Variants in CADM2 observed in about 807,000 individuals in gnomAD.
The protein encoded by CADM2 is immunoglobulin superfamily member 4D.
In CADM2, 12 loss-of-function variants were observed where a neutral mutation model predicts 49.8. The ratio of observed to expected loss-of-function variants is 0.24; its 90% CI spans 0.15 to 0.39. The LOEUF (loss-of-function observed/expected upper bound fraction) is 0.39. CADM2 is among the 10% of genes least tolerant of loss of function. CADM2 has a pLI of 1.00. For synonymous variants in CADM2, 214 were observed against 175.4 expected, an observed-to-expected ratio of 1.22 and a Z score of -1.74; for missense variants, 378 against 492.3, an observed-to-expected ratio of 0.77 and a Z score of 2.20.
chr3:85,342,319 T>C (rs2029950007), intron 1 of CADM2, among the ~76,000 whole-genome samples: 1 of 152,076 alleles, frequency 6.6e-6, no homozygotes, highest in Non-Finnish European at 1.5e-5. Flanking sequence ...AGTAAAAATA[T>C]TCAGTGCTCA....
At chr3:85,033,072 G>A (rs1049717227) in intron 1 of CADM2, among the ~76,000 whole-genome samples, 5 of 152,002 alleles carry the variant, frequency 3.3e-5, no homozygotes, top group Non-Finnish European at 1.5e-5. Context: ...AAACATAGCT[G>A]ATGTTTTGCT....
chr3:85,967,902 G>A lies in CADM2; in HGVS notation c.970+6255G>A, dbSNP rs150337366. Among the ~76,000 whole-genome samples the A allele has an allele frequency of 1.8e-3, 271 of 151,626 alleles. 1 individual carries two copies. The highest frequency in any genetic ancestry group is 6.2e-3 in the African/African-American group (258 of 41,434). ...GTAAAGCCTAGCAAACATTAAAAAG[G>A]GATTCAACTAAAATCTGTTCTTTCA... is the stretch of plus-strand genomic sequence containing the variant. On this transcript the variant is annotated intron_variant, in intron 8 of 9. Coordinates refer to ENST00000383699, the MANE Select transcript of CADM2 (RefSeq NM_001167675.2).
chr3:85,548,085 G>GT (rs2061708692), intron 1 of CADM2, among the ~76,000 whole-genome samples: 1 of 151,760 alleles, frequency 6.6e-6, no homozygotes, highest in Non-Finnish European at 1.5e-5. Flanking sequence ...ACTAGAGCCA[G>GT]TTATTTAACT....
chr3:85,775,912 G>A (rs894911737), intron 2 of CADM2, among the ~76,000 whole-genome samples: 1 of 151,748 alleles, frequency 6.6e-6, no homozygotes, highest in African/African-American at 2.4e-5. Flanking sequence ...TTTATTAAAG[G>A]ATTTTTAGAG....
At chr3:85,897,260 T>C (rs1715350867) in intron 5 of CADM2, among the ~76,000 whole-genome samples, 1 of 88,870 alleles carries the variant, frequency 1.1e-5, no homozygotes. Flanking sequence ...TTTTTTTTTT[T>C]TTTTTTTTTT....
chr3:85,147,066 A>T (rs968706872), intron 1 of CADM2, among the ~76,000 whole-genome samples: 2 of 152,064 alleles, frequency 1.3e-5, no homozygotes, highest in African/African-American at 4.8e-5. Flanking sequence ...TGAGGTCAGG[A>T]GGTCAAGACC....
intron 7 of CADM2, among the ~76,000 whole-genome samples, chr3:85,957,669 C>G (rs1451775823): frequency 1.3e-5 from 2 of 151,788 alleles, no homozygotes; most frequent in African/African-American, 2.4e-5. Context: ...ATTTCAGATG[C>G]CACTCACATG....
chr3:85,494,440 A>C (rs954595552), intron 1 of CADM2, among the ~76,000 whole-genome samples: 5 of 152,188 alleles, frequency 3.3e-5, no homozygotes, highest in Admixed American at 2.6e-4. Flanking sequence ...GCAAGCTCTT[A>C]AAAACCTAGA....
intron 1 of CADM2, among the ~76,000 whole-genome samples, chr3:85,095,753 C>T (rs2037771229): frequency 6.6e-6 from 1 of 152,010 alleles, no homozygotes; most frequent in Admixed American, 6.6e-5. Context: ...ATAATTATTC[C>T]ACCAGTGAAC....
At chr3:85,488,004 A>G (rs974668172) in intron 1 of CADM2, among the ~76,000 whole-genome samples, 1 of 152,168 alleles carries the variant, frequency 6.6e-6, no homozygotes, top group African/African-American at 2.4e-5. Context: ...TTATTTTTGT[A>G]TTTAGAAAGA....
At chr3:85,008,368 C>T (rs1265893510) in intron 1 of CADM2, among the ~76,000 whole-genome samples, 2 of 152,114 alleles carry the variant, frequency 1.3e-5, no homozygotes, top group African/African-American at 4.8e-5. Context: ...GATGGTAATA[C>T]ACCCATTCAA....
intron 1 of CADM2, among the ~76,000 whole-genome samples, chr3:85,721,332 G>A (rs888262176): frequency 1.3e-5 from 2 of 152,166 alleles, no homozygotes; most frequent in East Asian, 1.9e-4. Context: ...GTTGTTATGG[G>A]ATCTTTGGGG....
At chr3:86,030,467 T>G (rs1379059689) in intron 8 of CADM2, among the ~76,000 whole-genome samples, 1 of 152,012 alleles carries the variant, frequency 6.6e-6, no homozygotes, top group Non-Finnish European at 1.5e-5. Context: ...TATTTATGAT[T>G]TATTATACTT....
chr3:85,340,323 T>C (rs1487227309), intron 1 of CADM2, among the ~76,000 whole-genome samples: 1 of 151,586 alleles, frequency 6.6e-6, no homozygotes, highest in African/African-American at 2.4e-5. Context: ...GGAAAATTTA[T>C]AAACACATAC....
chr3:84,995,441 G>A (rs1485426447), intron 1 of CADM2, among the ~76,000 whole-genome samples: 1 of 152,148 alleles, frequency 6.6e-6, no homozygotes, highest in Non-Finnish European at 1.5e-5. Context: ...CCCTAATGAA[G>A]ATTTGCATAA....
At position 85,597,701 on chromosome 3, in the gene CADM2, A is replaced by G. The variant is rs185359980; in HGVS notation, c.62-128821A>G. On this transcript the variant is annotated intron_variant, in intron 1 of 9. Coordinates refer to ENST00000383699, the MANE Select transcript of CADM2 (RefSeq NM_001167675.2). ...CAGAGGACATTTTTGTCAAAAGTGC[A>G]TCTTAAAATCTGAAGCTATTGGAAA... is the stretch of plus-strand genomic sequence containing the variant. 2.6e-3 allele frequency among the ~76,000 whole-genome samples: 398 copies of G among 152,182 alleles called. 3 individuals carry two copies. Among genetic ancestry groups the G allele is most frequent in the Non-Finnish European group, 3.7e-3 (249 of 67,990 alleles).
At chr3:85,420,124 C>A (rs2107494991) in intron 1 of CADM2, among the ~76,000 whole-genome samples, 1 of 152,204 alleles carries the variant, frequency 6.6e-6, no homozygotes, top group Non-Finnish European at 1.5e-5. Flanking sequence ...ACAGTTAGGG[C>A]CAAGTTTTCT....
At chr3:85,768,830 A>G (rs1281970300) in intron 2 of CADM2, among the ~76,000 whole-genome samples, 1 of 51,396 alleles carries the variant, frequency 1.9e-5, no homozygotes, top group African/African-American at 1.0e-4. Context: ...ATACACATAT[A>G]TACATATATA....
chr3:85,304,918 T>C (rs757110170), intron 1 of CADM2, among the ~76,000 whole-genome samples: 1 of 151,712 alleles, frequency 6.6e-6, no homozygotes, highest in Non-Finnish European at 1.5e-5. Flanking sequence ...CCTTGTCCAA[T>C]GTAGGTGATA....
Sources: allele counts gnomAD v4.1 joint callset (sites outside exome capture counted in the v4.1 genomes callset), GRCh38; gene constraint gnomAD v4.1.1; transcripts MANE v1.5; gene names NCBI Gene and HGNC (gene_info 2026-07-23, HGNC 2026-07-21).